The following CPNE8 variants were observed in gnomAD, a reference collection of about 807,000 sequenced individuals.
CPNE8 encodes the protein copine 8.
A neutral mutation model predicts 81.5 loss-of-function variants in CPNE8; 45 were observed. The observed-to-expected ratio is 0.55, with a 90% CI of 0.44 to 0.71. The LOEUF (loss-of-function observed/expected upper bound fraction) is 0.71, where lower values mean the gene tolerates loss of function less well. Among genes scored for constraint, CPNE8 ranks in the 30% least tolerant of loss-of-function variants. The pLI, the probability that CPNE8 is intolerant of heterozygous loss-of-function variation, is 0.00. For missense variants in CPNE8, 594 were observed against 672.1 expected (o/e 0.88, Z 1.28); for synonymous variants, 252 against 226.3 (o/e 1.11, Z -1.02).
At chr12:38,866,411 G>A (rs1943914432) in intron 3 of CPNE8, among the ~76,000 whole-genome samples, 1 of 152,200 alleles carries the variant, frequency 6.6e-6, no homozygotes, top group Admixed American at 6.5e-5. Flanking sequence ...GCATTCAATA[G>A]TGAAGAAAGT....
upstream of CPNE8, chr12:38,906,484 A>G: frequency 1.0e-6 from 1 of 985,514 alleles, no homozygotes; most frequent in South Asian, 4.7e-5. Context: ...TCGTTTCCAA[A>G]GGCATGAAAG....
intron 3 of CPNE8, among the ~76,000 whole-genome samples, chr12:38,862,214 T>A (rs1007963743): frequency 4.6e-5 from 7 of 151,942 alleles, no homozygotes; most frequent in African/African-American, 1.4e-4. Context: ...AGATCCTGAC[T>A]GTGTAACTGT....
chr12:38,675,054 C>T (rs567131550), intron 18 of CPNE8, among the ~76,000 whole-genome samples: 1 of 152,148 alleles, frequency 6.6e-6, no homozygotes, highest in Non-Finnish European at 1.5e-5. Context: ...CCAGATCACT[C>T]GTTACACAAA....
intron 3 of CPNE8, among the ~76,000 whole-genome samples, chr12:38,867,074 G>T (rs911750217): frequency 4.6e-5 from 7 of 152,214 alleles, no homozygotes; most frequent in African/African-American, 1.2e-4. Context: ...GGCCAGGCTG[G>T]TCTCTAACTC....
At chr12:38,759,874 G>A (rs1453270538) in intron 10 of CPNE8, among the ~76,000 whole-genome samples, 1 of 152,200 alleles carries the variant, frequency 6.6e-6, no homozygotes, top group African/African-American at 2.4e-5. Context: ...GCAGCAGAAG[G>A]GAAGAGAAGA....
At chr12:38,885,524 G>C (rs207472840) in intron 1 of CPNE8, among the ~76,000 whole-genome samples, 1 of 152,166 alleles carries the variant, frequency 6.6e-6, no homozygotes, top group Non-Finnish European at 1.5e-5. Flanking sequence ...TGAAAATACA[G>C]ATATTTTATA....
Position 38,839,918 on chromosome 12 carries a change from GT to G in CPNE8, c.327del (p.Lys109AsnfsTer27). 6.3e-7 allele frequency: 1 copy of G among 1,576,052 alleles called. No homozygotes were observed. Among genetic ancestry groups the G allele is most frequent in the Non-Finnish European group, 8.7e-7 (1 of 1,153,970 alleles). On this transcript the variant is annotated frameshift_variant, in exon 5 of 20. Coordinates refer to ENST00000331366, the MANE Select transcript of CPNE8 (RefSeq NM_153634.3). LOFTEE classifies it high-confidence loss of function. ...DVDSKSPNLS[K>X]HDFLGQVFCT... ...AAAACATAAAAATATGAACTTACAT[GT>G]TTGGATAAGTTGGGGCTCTTTGAAT...
At chr12:38,682,523 A>G (rs901034647) in intron 16 of CPNE8, among the ~76,000 whole-genome samples, 3 of 152,166 alleles carry the variant, frequency 2.0e-5, no homozygotes, top group Non-Finnish European at 4.4e-5. Flanking sequence ...ATCCCACTGC[A>G]CTCCAGCCTG....
At chr12:38,777,125 A>G (rs1196348508) in intron 6 of CPNE8, among the ~76,000 whole-genome samples, 1 of 151,970 alleles carries the variant, frequency 6.6e-6, no homozygotes, top group Admixed American at 6.6e-5. Flanking sequence ...CAACAGCTCC[A>G]TGCATGGTAC....
At position 38,873,033 on chromosome 12, in the gene CPNE8, G is replaced by A; in HGVS notation, c.157C>T (p.Gln53Ter). 1.3e-6 allele frequency: 2 copies of A among 1,552,656 alleles called. No homozygotes were observed. The highest frequency in any genetic ancestry group is 1.8e-6 in the Non-Finnish European group (2 of 1,130,472). ...KSDPICVLYV[Q>*]GVGNKEWREF... Reference sequence around the variant, plus strand: ...CTCCATTCTTTATTTCCAACTCCTTGTACATATAAGACACAAACTACAAAA... The same window carrying A: ...CTCCATTCTTTATTTCCAACTCCTTATACATATAAGACACAAACTACAAAA... Residue 53 changes from glutamine (Q) to a stop codon, truncating the protein, a stop_gained, in exon 3 of 20, where the codon CAA (glutamine) becomes TAA (stop). Transcript: ENST00000331366. LOFTEE classifies it high-confidence loss of function.
chr12:38,698,889 A>T (rs1939862273), intron 14 of CPNE8, among the ~76,000 whole-genome samples: 1 of 152,136 alleles, frequency 6.6e-6, no homozygotes, highest in African/African-American at 2.4e-5. Flanking sequence ...ATCCTTTGCA[A>T]TTTCATATTA....
intron 19 of CPNE8, among the ~76,000 whole-genome samples, chr12:38,658,449 A>C (rs1467180803): frequency 6.6e-6 from 1 of 152,198 alleles, no homozygotes; most frequent in Non-Finnish European, 1.5e-5. Context: ...GTGACAGGAA[A>C]AATGGAACCA....
chr12:38,862,454 C>A (rs983195403), intron 3 of CPNE8, among the ~76,000 whole-genome samples: 7 of 152,000 alleles, frequency 4.6e-5, no homozygotes, highest in Non-Finnish European at 4.4e-5. Context: ...GGAAAAAATC[C>A]TTTATACTAT....
At chr12:38,744,410 A>G (rs1042019463) in intron 10 of CPNE8, among the ~76,000 whole-genome samples, 1 of 152,198 alleles carries the variant, frequency 6.6e-6, no homozygotes, top group Non-Finnish European at 1.5e-5. Context: ...ATCTAAGTCC[A>G]TTATATCGAC....
At chr12:38,712,069 A>C (rs191849234) in intron 13 of CPNE8, among the ~76,000 whole-genome samples, 113 of 152,272 alleles carry the variant, frequency 7.4e-4, no homozygotes, top group Non-Finnish European at 1.2e-3. Flanking sequence ...AAAGCATTAT[A>C]AAAAATTCTA....
At chr12:38,837,610 T>A (rs984715910) in intron 5 of CPNE8, among the ~76,000 whole-genome samples, 1 of 151,922 alleles carries the variant, frequency 6.6e-6, no homozygotes, top group South Asian at 2.1e-4. Flanking sequence ...AAGTGACAGA[T>A]AATGGGTAAA....
At position 38,894,658 on chromosome 12, in the gene CPNE8, ACTCTCTCTCTCTCTCTCTCTCT is replaced by A. The variant is rs60538878; in HGVS notation, c.98+10757_98+10778del. On this transcript the variant is annotated intron_variant, in intron 1 of 19. Coordinates refer to ENST00000331366, the MANE Select transcript of CPNE8 (RefSeq NM_153634.3). Reference sequence around the variant, plus strand: ...CACGTGCTTGCTCTCACTCCAGCTCACTCTCTCTCTCTCTCTCTCTCTCTCTCTCTCTCTCTCTCTCTCTCTC... The same window carrying A: ...CACGTGCTTGCTCTCACTCCAGCTCACTCTCTCTCTCTCTCTCTCTCTCTC... Among the ~76,000 whole-genome samples the A allele has an allele frequency of 5.0e-3, 620 of 124,536 alleles. 1 individual carries two copies. The highest frequency in any genetic ancestry group is 8.3e-3 in the Middle Eastern group (2 of 242). The allele number at this position is 124,536 out of a possible 152,430, so 81.7% of individuals were successfully genotyped here.
intron 6 of CPNE8, among the ~76,000 whole-genome samples, chr12:38,787,305 T>A (rs1942215855): frequency 6.6e-6 from 1 of 151,788 alleles, no homozygotes; most frequent in African/African-American, 2.4e-5. Flanking sequence ...CAAGGGGAAT[T>A]TGAGAAAATA....
chr12:38,772,738 T>C (rs1292902000), intron 7 of CPNE8, among the ~76,000 whole-genome samples: 1 of 152,152 alleles, frequency 6.6e-6, no homozygotes, highest in African/African-American at 2.4e-5. Context: ...AGCACTACTG[T>C]ATGATCCAGC....
Sources: gnomAD v4.1 joint callset for allele counts (sites outside exome capture counted in the v4.1 genomes callset) on GRCh38, gnomAD v4.1.1 for gene constraint, MANE v1.5 for transcripts, NCBI Gene and HGNC (gene_info 2026-07-23, HGNC 2026-07-21) for gene names.